SSUH2: variants seen among roughly 807,000 people sequenced by gnomAD.
SSUH2 encodes the protein protein SSUH2 homolog.
Under a neutral mutation model 55.3 loss-of-function variants are expected in SSUH2, and 47 were observed. The observed-to-expected ratio is 0.85, with a 90% CI of 0.67 to 1.08. The LOEUF is 1.08. Among genes scored for constraint, SSUH2 ranks in the 50% least tolerant of loss-of-function variants. The pLI is 0.00. For synonymous variants in SSUH2, 212 were observed against 191.5 expected, an observed-to-expected ratio of 1.11 and a Z score of -0.89; for missense variants, 535 against 490.7, an observed-to-expected ratio of 1.09 and a Z score of -0.85.
At chr3:8,634,187 G>A (rs1055533568) in intron 3 of SSUH2, 8 of 597,572 alleles carry the variant, frequency 1.3e-5, no homozygotes, top group East Asian at 6.8e-5. Context: ...TCCTGCCCTC[G>A]GGTACCTTGA....
intron 1 of SSUH2, among the ~76,000 whole-genome samples, chr3:8,681,388 C>A (rs1279695035): frequency 2.0e-5 from 3 of 146,754 alleles, no homozygotes; most frequent in Admixed American, 2.0e-4. Context: ...TCTGAGGACA[C>A]CCATCGCAGG....
rs562383541 is a variant in SSUH2 at position 8,652,921 on chromosome 3, C to T, written c.-307+6004G>A. ...AGCATGTGACTGACTCCCCCTTTCCCTCAGGCCATCTCCCTGGGAGTGGGG... is the reference window on the plus strand; with the variant it reads ...AGCATGTGACTGACTCCCCCTTTCCTTCAGGCCATCTCCCTGGGAGTGGGG... On this transcript the variant is annotated intron_variant, in intron 7 of 18. Coordinates refer to the SSUH2 transcript ENST00000317371. Among the ~76,000 whole-genome samples the T allele has an allele frequency of 2.0e-5, 3 of 152,324 alleles. No individual in the cohort carries two copies. The South Asian group carries it at 6.2e-4, about 32-fold the overall frequency.
intron 1 of SSUH2, among the ~76,000 whole-genome samples, chr3:8,636,178 A>T (rs1699892046): frequency 6.6e-6 from 1 of 152,200 alleles, no homozygotes; most frequent in Admixed American, 6.5e-5. Flanking sequence ...CTTTCCTTTC[A>T]TGGAAACTGG....
intron 7 of SSUH2, among the ~76,000 whole-genome samples, chr3:8,655,602 C>G (rs1702855411): frequency 6.6e-6 from 1 of 152,238 alleles, no homozygotes; most frequent in Non-Finnish European, 1.5e-5. Flanking sequence ...CCCACAACCT[C>G]TATCTATTTC....
At chr3:8,620,899 G>A (rs760645814) in intron 11 of SSUH2, among the ~76,000 whole-genome samples, 3 of 152,224 alleles carry the variant, frequency 2.0e-5, no homozygotes, top group Non-Finnish European at 4.4e-5. Context: ...TTTTCAGGAT[G>A]GGGACCTCAT....
intron 2 of SSUH2, among the ~76,000 whole-genome samples, chr3:8,678,200 C>T (rs142987845): frequency 1.3e-5 from 2 of 152,138 alleles, no homozygotes; most frequent in Middle Eastern, 3.4e-3. Context: ...ACCCCCTCCG[C>T]CTTGGAATAT....
intron 5 of SSUH2, among the ~76,000 whole-genome samples, chr3:8,631,563 T>A (rs1390670003): frequency 6.6e-6 from 1 of 151,658 alleles, no homozygotes; most frequent in African/African-American, 2.4e-5. Context: ...GTGAGCTGAG[T>A]CTTGAAGAAT....
At chr3:8,640,047 A>G (rs1336811692) in intron 1 of SSUH2, 1 of 972,358 alleles carries the variant, frequency 1.0e-6, no homozygotes, top group African/African-American at 1.8e-5. Flanking sequence ...ACACACACAA[A>G]GTAGAGTGAT....
chr3:8,640,057 T>C (rs1444548922), intron 1 of SSUH2: 1 of 939,022 alleles, frequency 1.1e-6, no homozygotes, highest in Admixed American at 6.2e-5. Context: ...AGTAGAGTGA[T>C]GGTTGACAGG....
intron 1 of SSUH2, among the ~76,000 whole-genome samples, chr3:8,637,868 G>A (rs770094305): frequency 3.9e-5 from 6 of 152,030 alleles, no homozygotes; most frequent in Non-Finnish European, 8.8e-5. Flanking sequence ...TTGTTTGTTT[G>A]GTGGGAGGAA....
rs9846726 is a variant in SSUH2 at position 8,632,859 on chromosome 3, G to A, written c.340-750C>T. Among the ~76,000 whole-genome samples the A allele has an allele frequency of 1.8e-3, 276 of 152,302 alleles. 1 individual carries two copies. The highest frequency in any genetic ancestry group is 6.3e-3 in the African/African-American group (262 of 41,562). On this transcript the variant is annotated intron_variant, in intron 4 of 11. Transcript: ENST00000544814. ...AGGCAGAGGGAGCTGAAGTCTAGTGGCAGGTAGATGAACCTCTCTCAGCCC... is the reference window on the plus strand; with the variant it reads ...AGGCAGAGGGAGCTGAAGTCTAGTGACAGGTAGATGAACCTCTCTCAGCCC...
chr3:8,643,639 C>G lies in SSUH2; in HGVS notation c.28+1092G>C, dbSNP rs1219735386. Among the ~76,000 whole-genome samples, 4 of 152,232 alleles carry G rather than the reference C, an allele frequency of 2.6e-5. No homozygotes were observed. In the East Asian group the frequency reaches 7.7e-4, roughly 29 times the overall value. On this transcript the variant is annotated intron_variant, in intron 1 of 11. Transcript: ENST00000544814. The stretch of plus-strand genomic sequence containing the variant: ...TCTGCTTCAGGTCTAAAACTTAAAG[C>G]TTTAAGATATCAACATTAAAGACAA...
intron 1 of SSUH2, among the ~76,000 whole-genome samples, chr3:8,641,256 G>T (rs1403715661): frequency 1.3e-5 from 2 of 152,226 alleles, no homozygotes; most frequent in Admixed American, 6.5e-5. Context: ...TGGGGTCTGT[G>T]TCCCCCACCA....
intron 6 of SSUH2, chr3:8,659,400 C>G (rs1033450807): frequency 6.3e-6 from 1 of 157,682 alleles, no homozygotes; most frequent in Non-Finnish European, 1.4e-5. Flanking sequence ...TTTTCCCATC[C>G]TTCAATGCCC....
chr3:8,651,313 T>C (rs1392236502), intron 7 of SSUH2, among the ~76,000 whole-genome samples: 2 of 152,274 alleles, frequency 1.3e-5, no homozygotes, highest in Admixed American at 6.5e-5. Flanking sequence ...GGGAGGCAAG[T>C]GAGGGAAGCC....
chr3:8,645,825 G>A (rs1286337791), upstream of SSUH2, among the ~76,000 whole-genome samples: 5 of 152,198 alleles, frequency 3.3e-5, no homozygotes, highest in East Asian at 3.9e-4. Context: ...CATAAAGAGC[G>A]TGTCTTTATT....
At chr3:8,676,597 C>T (rs1341785854) in intron 3 of SSUH2, among the ~76,000 whole-genome samples, 1 of 151,060 alleles carries the variant, frequency 6.6e-6, no homozygotes, top group African/African-American at 2.4e-5. Flanking sequence ...AAGAATATCA[C>T]AGCGTGGGTG....
chr3:8,660,810 T>G (rs1445762447), intron 6 of SSUH2, among the ~76,000 whole-genome samples: 1 of 152,236 alleles, frequency 6.6e-6, no homozygotes, highest in Non-Finnish European at 1.5e-5. Context: ...TGTTCAATGC[T>G]CAGCTTTTTG....
chr3:8,667,451 CTTTAT>C (rs1169344179), intron 5 of SSUH2, among the ~76,000 whole-genome samples: 1 of 152,170 alleles, frequency 6.6e-6, no homozygotes, highest in Non-Finnish European at 1.5e-5. Context: ...CTTTACCGCA[CTTTAT>C]TTTATCAGCA....
Sources: allele counts gnomAD v4.1 joint callset (sites outside exome capture counted in the v4.1 genomes callset), GRCh38; gene constraint gnomAD v4.1.1; transcripts MANE v1.5; gene names NCBI Gene and HGNC (gene_info 2026-07-23, HGNC 2026-07-21).